FRMD7: variants seen among roughly 807,000 people sequenced by gnomAD.
FRMD7 encodes the protein FERM domain-containing protein 7.
Under a neutral mutation model 44.1 loss-of-function variants are expected in FRMD7, and 14 were observed. The ratio of observed to expected loss-of-function variants is 0.32; its 90% confidence interval spans 0.21 to 0.50. FRMD7 has a LOEUF of 0.50. FRMD7 is among the 20% of genes least tolerant of loss of function. The pLI is 0.99. For synonymous variants in FRMD7, 212 were observed against 187.4 expected (o/e 1.13, Z -1.07); for missense variants, 501 against 522.3 (o/e 0.96, Z 0.40).
rs1189346227 is a variant in FRMD7, at chrX:132,078,963, C to G, written c.1054G>C (p.Glu352Gln). Residue 352 changes from glutamate to glutamine, a missense_variant, in exon 12 of 12, where the codon GAA becomes CAA. Glu to Gln is a conservative substitution (Grantham distance 29). Coordinates refer to ENST00000298542, the MANE Select transcript of FRMD7 (RefSeq NM_194277.3). ...CCACCATATGCTAGTCTCAAATCTT[C>G]CACCTTGAGAGAATGGACACATTGG... ...DLLSDVSKQVEDLRLAYGGGY... is the reference protein window; with the variant it reads ...DLLSDVSKQVQDLRLAYGGGY... The G allele has an allele frequency of 2.5e-6, 3 of 1,206,723 alleles. No individual in the cohort carries two copies. The highest frequency in any genetic ancestry group is 1.8e-5 in the South Asian group (1 of 56,891).
At chrX:132,084,390 C>T in intron 8 of FRMD7, 100 bp downstream of exon 8, 1 of 567,777 alleles carries the variant, frequency 1.8e-6, no homozygotes, top group Admixed American at 2.3e-5. Flanking sequence ...TCACTCAGGG[C>T]CAGCCGGCTT....
rs751029689 is a variant in FRMD7, at chrX:132,081,367, A to C, written c.905+996T>G. ...AAAACAAAACAAACAACAACAACAA[A>C]AAAAAACACAAGAATAATAAAGTCT... On this transcript the variant is annotated intron_variant, in intron 9 of 11. Coordinates refer to ENST00000298542, the MANE Select transcript of FRMD7 (RefSeq NM_194277.3). Among the ~76,000 whole-genome samples the C allele has an allele frequency of 2.4e-3, 269 of 111,798 alleles. 1 individual carries two copies. Among genetic ancestry groups the C allele is most frequent in the African/African-American group, 7.9e-3 (244 of 30,702 alleles).
chrX:132,100,793 C>T (rs1454299679), intron 1 of FRMD7, 77 bp from the exon 2 acceptor site: 4 of 705,256 alleles, frequency 5.7e-6, no homozygotes, highest in African/African-American at 2.1e-5. Flanking sequence ...GGGTAGAAGC[C>T]ACAAGACTCT....
intron 1 of FRMD7, among the ~76,000 whole-genome samples, chrX:132,117,357 G>A (rs1454356603): frequency 9.0e-6 from 1 of 111,441 alleles, no homozygotes; most frequent in African/African-American, 3.3e-5. Flanking sequence ...TACAGCAACT[G>A]TTTTTATTTA....
chrX:132,094,164 C>T, intron 4 of FRMD7, 25 bp from the exon 5 acceptor site: 1 of 868,656 alleles, frequency 1.2e-6, no homozygotes, highest in East Asian at 3.1e-5. Flanking sequence ...GGGAGAATCT[C>T]TTGAGAAAGA....
rs781519281 is a variant in FRMD7 at position 132,093,936 on chromosome X, C to T, written c.382+106G>A. On this transcript the variant is annotated intron_variant, in intron 5 of 11. Coordinates refer to ENST00000298542, the MANE Select transcript of FRMD7 (RefSeq NM_194277.3). ...CTATCTTATCCAGGCTTTCTCTCCC[C>T]TGTAAACCCTAACACAGTGATGGGC... 1.2e-5 allele frequency: 7 copies of T among 570,778 alleles called. No individual in the cohort carries two copies. The South Asian group carries it at 1.6e-4, about 13-fold the overall frequency. 47.0% of individuals were successfully genotyped at this position (570,778 alleles called of 1,213,427 possible). A position where few individuals can be genotyped will look rare whatever the true frequency, so the allele number is the denominator to read the frequency against.
chrX:132,101,886 C>T (rs886770050), intron 1 of FRMD7, among the ~76,000 whole-genome samples: 1 of 111,435 alleles, frequency 9.0e-6, no homozygotes, highest in Admixed American at 9.6e-5. Flanking sequence ...ATTGCTGAAC[C>T]CAGGGATTGC....
intron 5 of FRMD7, among the ~76,000 whole-genome samples, chrX:132,087,292 T>C (rs752657718): frequency 3.6e-5 from 4 of 111,484 alleles, no homozygotes; most frequent in Non-Finnish European, 7.5e-5. Flanking sequence ...TAGCATTCTA[T>C]ATACTGTAAG....
chrX:132,114,873 T>C (rs1928863860), intron 1 of FRMD7, among the ~76,000 whole-genome samples: 1 of 112,473 alleles, frequency 8.9e-6, no homozygotes, highest in Non-Finnish European at 1.9e-5. Context: ...CTTCTTTTTC[T>C]ACCCACACAT....
chrX:132,094,093 G>T lies in FRMD7; in HGVS notation c.331C>A (p.Leu111Ile). The T allele has an allele frequency of 8.4e-7, 1 of 1,184,326 alleles. No individual in the cohort carries two copies. Among genetic ancestry groups the T allele is most frequent in the Non-Finnish European group, 1.1e-6 (1 of 870,501 alleles). The change falls in exon 5 of 12, where the codon CTT (leucine) becomes ATT (isoleucine). Residue 111 changes from leucine to isoleucine, a missense_variant. Physicochemically the swap from Leu to Ile is conservative, Grantham distance 5. This residue lies in a region of FRMD7 where 453 missense variants were observed against 452.7 expected (regional missense o/e 1.00). Coordinates refer to ENST00000298542, the MANE Select transcript of FRMD7 (RefSeq NM_194277.3). ...GCTGTACAGTTGTCACTGCATGGAA[G>T]CCTTCCTAGAGCCAAATCCTTCTTT... ...QIKKDLALGR[L>I]PCSDNCTALM...
At chrX:132,122,681 G>C (rs1288894400) in intron 1 of FRMD7, among the ~76,000 whole-genome samples, 1 of 112,406 alleles carries the variant, frequency 8.9e-6, no homozygotes, top group East Asian at 2.8e-4. Context: ...TTGGGCATAT[G>C]TGTTTGGATA....
Position 132,082,424 on chromosome X carries a change from C to T in FRMD7, c.844G>A (p.Glu282Lys). ...GTTTTGGGCTTTGATTTGGGCTCTT[C>T]CGAAAGCCTGAAGAAAGCATGGTAT... ...VEYHAFFRLS[E>K]EPKSKPKTLL... is the part of the protein sequence containing the mutation. Residue 282 changes from glutamate (E) to lysine (K), a missense_variant, in exon 9 of 12, where the codon GAA becomes AAA. Glu to Lys is a moderately conservative substitution (Grantham distance 56). Coordinates refer to ENST00000298542, the MANE Select transcript of FRMD7 (RefSeq NM_194277.3). 1 of 1,210,267 alleles carries T rather than the reference C, an allele frequency of 8.3e-7. No homozygotes were observed.
chrX:132,112,296 C>T (rs969405882), intron 1 of FRMD7, among the ~76,000 whole-genome samples: 2 of 111,666 alleles, frequency 1.8e-5, no homozygotes, highest in Non-Finnish European at 3.8e-5. Flanking sequence ...CAGGTAGCAG[C>T]GGTTCCTTCT....
intron 3 of FRMD7, among the ~76,000 whole-genome samples, chrX:132,098,283 A>C (rs1210927034): frequency 8.9e-6 from 1 of 112,558 alleles, no homozygotes; most frequent in Non-Finnish European, 1.9e-5. Context: ...CTAAGCCTCC[A>C]TCTGAGATTA....
intron 1 of FRMD7, among the ~76,000 whole-genome samples, chrX:132,122,724 C>T (rs1213164847): frequency 8.9e-6 from 1 of 112,289 alleles, no homozygotes; most frequent in Non-Finnish European, 1.9e-5. Context: ...ATCCACTAAA[C>T]TTGATGGTAA....
At chrX:132,115,936 C>T (rs1347428687) in intron 1 of FRMD7, among the ~76,000 whole-genome samples, 2 of 110,337 alleles carry the variant, frequency 1.8e-5, no homozygotes, top group East Asian at 2.8e-4. Context: ...TGAGGCAGGG[C>T]GTTTCTCATT....
chrX:132,077,965 T>C lies in FRMD7; in HGVS notation c.2052A>G (p.Leu684=), dbSNP rs1244696180. The C allele has an allele frequency of 8.3e-7, 1 of 1,209,771 alleles. No homozygotes were observed. The highest frequency in any genetic ancestry group is 1.1e-6 in the Non-Finnish European group (1 of 894,982). Residue 684 remains leucine, a synonymous_variant, in exon 12 of 12, where the codon CTA becomes CTG. Coordinates refer to ENST00000298542, the MANE Select transcript of FRMD7 (RefSeq NM_194277.3). The part of the protein sequence containing the change: ...MARIRLSSGS[L]QLDEEDEDAY... ...CATCTTCATCTTCTTCATCTAACTG[T>C]AGACTACCAGAAGACAGGCGGATTC...
intron 1 of FRMD7, among the ~76,000 whole-genome samples, chrX:132,113,704 C>T (rs1264144550): frequency 9.0e-6 from 1 of 111,115 alleles, no homozygotes; most frequent in Non-Finnish European, 1.9e-5. Context: ...TGTTTTGATA[C>T]AAGCATGCAA....
In FRMD7 at chrX:132,078,572, G is replaced by C; in HGVS notation, c.1445C>G (p.Pro482Arg). The change falls in exon 12 of 12, where the codon CCT becomes CGT. Residue 482 changes from proline to arginine, a missense_variant. Pro to Arg is a moderately radical substitution (Grantham distance 103). Transcript: ENST00000298542. ...QLTYTDVPYI[P>R]CTGQQVGIMP... is the part of the protein sequence containing the mutation. ...AATACCAACCTGCTGACCTGTACAA[G>C]GAATATAGGGCACATCCGTGTAAGT... 8.3e-7 allele frequency: 1 copy of C among 1,211,613 alleles called. No homozygotes were observed. Among genetic ancestry groups the C allele is most frequent in the Non-Finnish European group, 1.1e-6 (1 of 895,367 alleles).
Sources: gnomAD v4.1 joint callset for allele counts (sites outside exome capture counted in the v4.1 genomes callset) on GRCh38, gnomAD v4.1.1 for gene constraint, gnomAD v4.1.1 regional missense constraint, MANE v1.5 for transcripts, NCBI Gene and HGNC (gene_info 2026-07-23, HGNC 2026-07-21) for gene names.